The following LARGE1 variants were observed in gnomAD, a reference collection of about 807,000 sequenced individuals.
The protein encoded by LARGE1 is xylosyl- and glucuronyltransferase LARGE1.
In LARGE1, 43 loss-of-function variants were observed where a neutral mutation model predicts 87.6. The observed-to-expected ratio is 0.49, with a 90% confidence interval of 0.38 to 0.63. LARGE1 has a LOEUF of 0.63. LARGE1 is among the 30% of genes least tolerant of loss of function. LARGE1 has a pLI of 0.00. For synonymous variants in LARGE1, 434 were observed against 394.6 expected (o/e 1.10, Z -1.18); for missense variants, 802 against 1,000.2 (o/e 0.80, Z 2.67).
At chr22:33,775,735 C>T (rs1361875130) in intron 1 of LARGE1, among the ~76,000 whole-genome samples, 2 of 151,910 alleles carry the variant, frequency 1.3e-5, no homozygotes, top group African/African-American at 4.8e-5. Flanking sequence ...GCCTGTAATC[C>T]CAGTTACTGG....
chr22:33,127,274 A>G, the LARGE1 span, among the ~76,000 whole-genome samples: 2 of 152,168 alleles, frequency 1.3e-5, no homozygotes, highest in East Asian at 1.9e-4. Flanking sequence ...CCGTGAGACA[A>G]TGAGCAACCC....
At chr22:33,204,401 A>C (rs1485044708) in intron 11 of LARGE1, among the ~76,000 whole-genome samples, 1 of 152,224 alleles carries the variant, frequency 6.6e-6, no homozygotes, top group Non-Finnish European at 1.5e-5. Flanking sequence ...AGAGGATTCC[A>C]ACTTTGCATT....
At chr22:33,152,588 G>T in the LARGE1 span, among the ~76,000 whole-genome samples, 3 of 151,862 alleles carry the variant, frequency 2.0e-5, no homozygotes, top group African/African-American at 7.3e-5. Flanking sequence ...ATTTTTTAAT[G>T]GTTAAATTTT....
At chr22:33,376,268 C>A (rs2064989687) in intron 9 of LARGE1, among the ~76,000 whole-genome samples, 1 of 152,226 alleles carries the variant, frequency 6.6e-6, no homozygotes, top group Non-Finnish European at 1.5e-5. Context: ...GCTGTGTGCA[C>A]TGTTTTCAAG....
chr22:33,193,950 TTA>T (rs1031784887), intron 11 of LARGE1, among the ~76,000 whole-genome samples: 17 of 148,034 alleles, frequency 1.1e-4, no homozygotes, highest in East Asian at 3.9e-4. Context: ...AGATTATGTT[TTA>T]TATGTTATAT....
chr22:33,410,000 A>G (rs2066250733), intron 7 of LARGE1, among the ~76,000 whole-genome samples: 1 of 152,140 alleles, frequency 6.6e-6, no homozygotes, highest in Non-Finnish European at 1.5e-5. Context: ...GAGTGGCTAC[A>G]TTACAAATGG....
At chr22:33,216,712 T>G (rs192341565) in intron 11 of LARGE1, among the ~76,000 whole-genome samples, 72 of 149,790 alleles carry the variant, frequency 4.8e-4, no homozygotes, top group African/African-American at 1.8e-3. Flanking sequence ...GGCAACAGAG[T>G]AAAGCCCCAG....
At chr22:33,449,748 G>C (rs7284440) in intron 6 of LARGE1, among the ~76,000 whole-genome samples, 1 of 151,974 alleles carries the variant, frequency 6.6e-6, no homozygotes, top group African/African-American at 2.4e-5. Context: ...CTTTTGCCAA[G>C]GAAACAATAT....
At chr22:33,409,287 A>C (rs995275637) in intron 7 of LARGE1, among the ~76,000 whole-genome samples, 1 of 141,502 alleles carries the variant, frequency 7.1e-6, no homozygotes, top group Non-Finnish European at 1.6e-5. Flanking sequence ...TTACCCTGAG[A>C]CGGAAGGAGG....
intron 11 of LARGE1, among the ~76,000 whole-genome samples, chr22:33,257,893 G>C (rs973620386): frequency 1.3e-5 from 2 of 152,170 alleles, no homozygotes; most frequent in African/African-American, 4.8e-5. Context: ...AGCCTTGAGA[G>C]AGAGGTAGTC....
chr22:33,913,692 C>T (rs185923848), intron 1 of LARGE1, among the ~76,000 whole-genome samples: 533 of 152,050 alleles, frequency 3.5e-3, no homozygotes, highest in African/African-American at 0.012. Context: ...TACAGGCACG[C>T]GCCACCATGC....
chr22:33,633,691 G>A (rs1288577585), intron 3 of LARGE1, among the ~76,000 whole-genome samples: 1 of 152,162 alleles, frequency 6.6e-6, no homozygotes, highest in Non-Finnish European at 1.5e-5. Flanking sequence ...AGAGTGAGAG[G>A]CGAAACCCAT....
chr22:33,347,502 A>T (rs1054348699), intron 9 of LARGE1, among the ~76,000 whole-genome samples: 53 of 152,228 alleles, frequency 3.5e-4, no homozygotes, highest in African/African-American at 1.2e-3. Flanking sequence ...ATGGAGAAAC[A>T]TATTCCCCTT....
intron 1 of LARGE1, among the ~76,000 whole-genome samples, chr22:33,776,875 C>T (rs1165243202): frequency 3.9e-5 from 6 of 152,170 alleles, no homozygotes; most frequent in African/African-American, 1.4e-4. Flanking sequence ...CCATTCACTA[C>T]AGTCCACAAG....
At chr22:33,742,728 C>A (rs2083932485) in intron 2 of LARGE1, among the ~76,000 whole-genome samples, 1 of 152,166 alleles carries the variant, frequency 6.6e-6, no homozygotes, top group Admixed American at 6.5e-5. Context: ...AGTACAATGT[C>A]TTTTTTCCAC....
At chr22:33,093,565 G>A in the LARGE1 span, among the ~76,000 whole-genome samples, 1 of 152,156 alleles carries the variant, frequency 6.6e-6, no homozygotes, top group Non-Finnish European at 1.5e-5. Context: ...ATGTGAATGA[G>A]CCTGAGATGG....
chr22:33,382,184 G>A, intron 8 of LARGE1, 140 bp from the exon 9 acceptor site: 1 of 1,054,690 alleles, frequency 9.5e-7, no homozygotes, highest in Non-Finnish European at 1.4e-6. Flanking sequence ...CGCACTGTGA[G>A]GCATCTCTCT....
chr22:33,075,825 T>A, the LARGE1 span, among the ~76,000 whole-genome samples: 3 of 152,138 alleles, frequency 2.0e-5, no homozygotes, highest in African/African-American at 7.2e-5. Context: ...TAGAGAAACA[T>A]AACAAATGGA....
At chr22:33,596,725 A>G (rs2078985712) in intron 5 of LARGE1, among the ~76,000 whole-genome samples, 1 of 152,196 alleles carries the variant, frequency 6.6e-6, no homozygotes, top group South Asian at 2.1e-4. Flanking sequence ...GAAGTTAATT[A>G]CAGTCATCTT....
Sources: gnomAD v4.1 joint callset for allele counts (sites outside exome capture counted in the v4.1 genomes callset) on GRCh38, gnomAD v4.1.1 for gene constraint, MANE v1.5 for transcripts, NCBI Gene and HGNC (gene_info 2026-07-23, HGNC 2026-07-21) for gene names.